Variants in TRIM14 observed in about 807,000 individuals in gnomAD.
The protein encoded by TRIM14 is tripartite motif-containing protein 14.
Under a neutral mutation model 44.5 loss-of-function variants are expected in TRIM14, and 28 were observed. The observed-to-expected ratio is 0.63, with a 90% CI of 0.47 to 0.86. TRIM14 has a LOEUF of 0.86. Among genes scored for constraint, TRIM14 ranks in the 40% least tolerant of loss-of-function variants. The pLI, the probability that TRIM14 is intolerant of heterozygous loss-of-function variation, is 0.00. For missense variants in TRIM14, 607 were observed against 611.1 expected, an observed-to-expected ratio of 0.99 and a Z score of 0.07; for synonymous variants, 299 against 269.2, an observed-to-expected ratio of 1.11 and a Z score of -1.08.
At chr9:98,073,525 T>C (rs1305594903) in intron 6 of TRIM14, among the ~76,000 whole-genome samples, 2 of 151,344 alleles carry the variant, frequency 1.3e-5, no homozygotes, top group Middle Eastern at 3.4e-3. Flanking sequence ...CCTCGTGATC[T>C]GCCCGCCACG....
the TRIM14 span, among the ~76,000 whole-genome samples, chr9:98,046,480 T>G: frequency 6.6e-6 from 1 of 152,054 alleles, no homozygotes; most frequent in Non-Finnish European, 1.5e-5. Context: ...TCGTTCTTGT[T>G]GCCCAGGCTG....
the TRIM14 span, among the ~76,000 whole-genome samples, chr9:98,038,751 C>A: frequency 1.3e-5 from 2 of 152,056 alleles, no homozygotes; most frequent in Admixed American, 1.3e-4. Context: ...ATGTGAAGGC[C>A]ATTTAAACCT....
chr9:98,048,341 C>T, the TRIM14 span, among the ~76,000 whole-genome samples: 3 of 152,078 alleles, frequency 2.0e-5, no homozygotes, highest in Non-Finnish European at 4.4e-5. Flanking sequence ...CTTTCCTCAC[C>T]CTGTTCTACA....
downstream of TRIM14, among the ~76,000 whole-genome samples, chr9:98,067,134 A>G (rs1829171945): frequency 6.6e-6 from 1 of 152,056 alleles, no homozygotes; most frequent in Admixed American, 6.6e-5. Flanking sequence ...TGGCTATACT[A>G]CATTTTATTT....
chr9:98,070,265 A>C (rs4743159), intron 6 of TRIM14, among the ~76,000 whole-genome samples: 3 of 151,732 alleles, frequency 2.0e-5, no homozygotes, highest in East Asian at 1.9e-4. Context: ...CTACAGGTGT[A>C]TGCCACCATG....
the TRIM14 span, chr9:98,056,660 C>A: frequency 2.4e-6 from 3 of 1,237,668 alleles, no homozygotes; most frequent in South Asian, 1.5e-5. Flanking sequence ...GAGGCGGGGC[C>A]TAGGGGATTG....
the TRIM14 span, among the ~76,000 whole-genome samples, chr9:98,037,055 A>G: frequency 6.6e-6 from 1 of 152,088 alleles, no homozygotes; most frequent in African/African-American, 2.4e-5. Context: ...GACAGACAAA[A>G]GAGGCAGATG....
the TRIM14 span, among the ~76,000 whole-genome samples, chr9:98,039,112 T>C: frequency 5.9e-5 from 9 of 152,124 alleles, no homozygotes; most frequent in African/African-American, 2.2e-4. Context: ...CACACCCGTA[T>C]TTCATGCATG....
chr9:98,070,596 T>G (rs1222057533), intron 6 of TRIM14, among the ~76,000 whole-genome samples: 1 of 151,812 alleles, frequency 6.6e-6, no homozygotes, highest in Non-Finnish European at 1.5e-5. Flanking sequence ...AATTTTTGTA[T>G]TTTTAGTAGA....
intron 4 of TRIM14, among the ~76,000 whole-genome samples, chr9:98,094,342 G>A (rs943292169): frequency 3.3e-5 from 5 of 152,166 alleles, no homozygotes; most frequent in Admixed American, 6.5e-5. Flanking sequence ...TGCCCTTCAC[G>A]TGCTTACAAG....
intron 1 of TRIM14, among the ~76,000 whole-genome samples, chr9:98,117,848 C>T (rs2118731102): frequency 6.6e-6 from 1 of 152,212 alleles, no homozygotes; most frequent in South Asian, 2.1e-4. Context: ...GGGTGAGACT[C>T]TTGAGCCAGA....
the TRIM14 span, among the ~76,000 whole-genome samples, chr9:98,046,766 C>G: frequency 2.6e-5 from 4 of 152,084 alleles, no homozygotes; most frequent in Non-Finnish European, 5.9e-5. Flanking sequence ...AAAAAGATTT[C>G]CATATTTTTA....
chr9:98,109,217 T>A (rs1826743647), intron 2 of TRIM14, among the ~76,000 whole-genome samples: 1 of 149,038 alleles, frequency 6.7e-6, no homozygotes, highest in South Asian at 2.1e-4. Context: ...CAGCCCTCAC[T>A]GCGAGGAGGG....
chr9:98,058,118 T>C, the TRIM14 span, among the ~76,000 whole-genome samples: 1 of 152,028 alleles, frequency 6.6e-6, no homozygotes, highest in Admixed American at 6.6e-5. Flanking sequence ...GGTTTGGCCA[T>C]GTTACCCAGG....
rs188641718 is a variant in TRIM14, at chr9:98,087,806, C to T, written c.993G>A (p.Ala331=). The part of the protein sequence containing the change: ...RHYWEVDVQE[A]GAGWWVGAAY... ...CCGCGCCCACCCACCAGCCGGCGCC[C>T]GCCTCCTGCACGTCAACCTCCCAGT... Residue 331 remains alanine, a synonymous_variant, in exon 6 of 6, where the codon GCG becomes GCA. Transcript: ENST00000341469. 2.6e-3 allele frequency: 3,889 copies of T among 1,511,466 alleles called. 98 individuals carry two copies. The African/African-American group carries it at 0.05, about 20-fold the overall frequency. 93.6% of individuals were successfully genotyped at this position (1,511,466 alleles called of 1,614,324 possible). A position where few individuals can be genotyped will look rare whatever the true frequency, so the allele number is the denominator to read the frequency against.
intron 5 of TRIM14, among the ~76,000 whole-genome samples, chr9:98,089,985 C>T (rs149131617): frequency 1.1e-3 from 175 of 152,316 alleles, no homozygotes; most frequent in South Asian, 2.9e-3. Context: ...ACCTGTGTTT[C>T]GGTCACATAA....
chr9:98,114,248 A>G (rs1482230291), intron 1 of TRIM14, among the ~76,000 whole-genome samples: 1 of 152,232 alleles, frequency 6.6e-6, no homozygotes, highest in Non-Finnish European at 1.5e-5. Flanking sequence ...TATTATGATA[A>G]ACTGGTGTGT....
chr9:98,083,460 T>A (rs1159862014), downstream of TRIM14, among the ~76,000 whole-genome samples: 1 of 152,256 alleles, frequency 6.6e-6, no homozygotes, highest in Non-Finnish European at 1.5e-5. Context: ...TCTTTATCCC[T>A]TTCCTGCCCT....
chr9:98,102,692 G>A (rs1286512424), intron 2 of TRIM14, among the ~76,000 whole-genome samples: 1 of 152,156 alleles, frequency 6.6e-6, no homozygotes, highest in African/African-American at 2.4e-5. Context: ...GGGAAATGGG[G>A]AGTAATTGCT....
Sources: gnomAD v4.1 joint callset for allele counts (sites outside exome capture counted in the v4.1 genomes callset) on GRCh38, gnomAD v4.1.1 for gene constraint, MANE v1.5 for transcripts, NCBI Gene and HGNC (gene_info 2026-07-23, HGNC 2026-07-21) for gene names.